Variants in ABLIM2 observed in about 807,000 individuals in gnomAD.
ABLIM2 encodes actin binding LIM protein family member 2, also known as actin-binding LIM protein 2.
Under a neutral mutation model 97.7 loss-of-function variants are expected in ABLIM2, and 53 were observed. The observed-to-expected ratio is 0.54, with a 90% CI of 0.44 to 0.68. The LOEUF (loss-of-function observed/expected upper bound fraction) is 0.68. Ranked by LOEUF, ABLIM2 falls within the 30% of genes least tolerant of loss-of-function variation. The probability of loss-of-function intolerance (pLI) is 0.00; values close to 1 mark genes in which losing one functional copy is unlikely to be tolerated. For synonymous variants in ABLIM2, 361 were observed against 345.8 expected, an observed-to-expected ratio of 1.04 and a Z score of -0.49; for missense variants, 835 against 867.2, an observed-to-expected ratio of 0.96 and a Z score of 0.47.
chr4:8,138,263 C>T (rs150611974), intron 1 of ABLIM2, among the ~76,000 whole-genome samples: 396 of 152,184 alleles, frequency 2.6e-3, no homozygotes, highest in African/African-American at 9.1e-3. Flanking sequence ...ATCATTCAAC[C>T]GTGTGAATGG....
At chr4:7,976,488 A>G (rs974608561) in intron 20 of ABLIM2, among the ~76,000 whole-genome samples, 1 of 152,160 alleles carries the variant, frequency 6.6e-6, no homozygotes, top group Non-Finnish European at 1.5e-5. Context: ...GCTAAAAACC[A>G]AACTGCTTAA....
chr4:8,104,358 C>T (rs899263223), intron 2 of ABLIM2, among the ~76,000 whole-genome samples: 1 of 152,202 alleles, frequency 6.6e-6, no homozygotes, highest in Admixed American at 6.5e-5. Flanking sequence ...GTCCCTGGGT[C>T]CCCCCATGAG....
intron 9 of ABLIM2, among the ~76,000 whole-genome samples, chr4:8,038,331 C>T (rs1389528002): frequency 6.6e-6 from 1 of 152,226 alleles, no homozygotes; most frequent in Non-Finnish European, 1.5e-5. Context: ...CCACAGCTCT[C>T]CCCTTTCCAG....
At position 8,155,881 on chromosome 4, in the gene ABLIM2, G is replaced by A. The variant is rs866342354; in HGVS notation, c.10+2799C>T. Among the ~76,000 whole-genome samples, 8 of 152,056 alleles carry A rather than the reference G, an allele frequency of 5.3e-5. No individual in the cohort carries two copies. Among genetic ancestry groups the A allele is most frequent in the South Asian group, 2.1e-4 (1 of 4,818 alleles). ...AAGGGAAGACGGGGCGAGGACACAG[G>A]GAGAGGGCGGCCGTCCACAAGCCAA... On this transcript the variant is annotated intron_variant, in intron 1 of 20. Transcript: ENST00000447017. The surrounding 1 kb of genome is among the most constrained non-coding windows in gnomAD (Gnocchi z 4.2).
chr4:8,053,294 T>A (rs1797150097), intron 8 of ABLIM2, among the ~76,000 whole-genome samples: 1 of 152,168 alleles, frequency 6.6e-6, no homozygotes. Context: ...TTGCTTCAAG[T>A]TTTCCCGCCT....
At chr4:8,040,782 G>A (rs532980728) in intron 9 of ABLIM2, among the ~76,000 whole-genome samples, 8 of 152,198 alleles carry the variant, frequency 5.3e-5, no homozygotes, top group African/African-American at 1.9e-4. Context: ...CTTCTGGCCT[G>A]TCTGGCCCCT....
intron 20 of ABLIM2, among the ~76,000 whole-genome samples, chr4:7,972,132 C>T (rs1228551720): frequency 1.3e-5 from 2 of 152,188 alleles, no homozygotes; most frequent in Admixed American, 1.3e-4. Context: ...CATTGCCCCT[C>T]CAGGAGAGCC....
At chr4:8,059,146 T>C (rs1019302076) in intron 7 of ABLIM2, among the ~76,000 whole-genome samples, 1 of 152,048 alleles carries the variant, frequency 6.6e-6, no homozygotes, top group African/African-American at 2.4e-5. Flanking sequence ...AAGCAATACA[T>C]AGCGGGGTGG....
chr4:8,042,113 T>C (rs1560886276), intron 9 of ABLIM2, among the ~76,000 whole-genome samples: 1 of 152,148 alleles, frequency 6.6e-6, no homozygotes, highest in South Asian at 2.1e-4. Flanking sequence ...CTGAGGACTT[T>C]GACCTAAGGG....
intron 6 of ABLIM2, among the ~76,000 whole-genome samples, chr4:8,076,424 C>G: frequency 6.6e-6 from 1 of 152,286 alleles, no homozygotes; most frequent in East Asian, 1.9e-4. Flanking sequence ...TCCAGACTGG[C>G]CTCTGCGGCA....
chr4:8,142,674 G>T (rs1467172772), intron 1 of ABLIM2, among the ~76,000 whole-genome samples: 3 of 152,232 alleles, frequency 2.0e-5, no homozygotes, highest in African/African-American at 7.2e-5. Flanking sequence ...CCACGAGGTG[G>T]GCACAGAGGG....
chr4:8,055,120 A>T (rs1488197606), intron 7 of ABLIM2, among the ~76,000 whole-genome samples: 1 of 152,112 alleles, frequency 6.6e-6, no homozygotes, highest in East Asian at 1.9e-4. Flanking sequence ...TGAATTTAAT[A>T]AAATCAAGCA....
Position 8,072,062 on chromosome 4 carries a change from C to A in ABLIM2, c.675+5566G>T, listed in dbSNP as rs1812582150. 5.1e-6 allele frequency: 5 copies of A among 985,366 alleles called. No individual in the cohort carries two copies. Among genetic ancestry groups the A allele is most frequent in the Non-Finnish European group, 6.0e-6 (5 of 829,986 alleles). The allele number at this position is 985,366 out of a possible 1,614,324, so 61.0% of individuals were successfully genotyped here. The stretch of plus-strand genomic sequence containing the variant: ...GATGCTCAGAGCTGTGCAGAGCCCG[C>A]CGACTCAGCCACGCCGCCACAGACT... On this transcript the variant is annotated intron_variant, in intron 6 of 20. Coordinates refer to ENST00000447017, the MANE Select transcript of ABLIM2 (RefSeq NM_001130083.2). This position sits in a 1 kb window ranked among gnomAD's most constrained non-coding sequence, Gnocchi z 5.8.
rs1176733609 is a variant in ABLIM2, at chr4:8,065,526, G to A, written c.676-4472C>T. On this transcript the variant is annotated intron_variant, in intron 6 of 20. Coordinates refer to ENST00000447017, the MANE Select transcript of ABLIM2 (RefSeq NM_001130083.2). ...AAACACAAAACAGTGCAGCTACTGT[G>A]GAAGACAGTGTATTGGTTTTTCAAG... Among the ~76,000 whole-genome samples, 3 of 152,178 alleles carry A rather than the reference G, an allele frequency of 2.0e-5. No individual in the cohort carries two copies. The South Asian group carries it at 6.2e-4, about 32-fold the overall frequency.
rs1238880551 is a variant in ABLIM2, at chr4:8,075,690, C to CA, written c.675+1937dup. Among the ~76,000 whole-genome samples, 1 of 150,932 alleles carries CA rather than the reference C, an allele frequency of 6.6e-6. No homozygotes were observed. The highest frequency in any genetic ancestry group is 2.4e-5 in the African/African-American group (1 of 41,056). On this transcript the variant is annotated intron_variant, in intron 6 of 20. Transcript: ENST00000447017. This position sits in a 1 kb window ranked among gnomAD's most constrained non-coding sequence, Gnocchi z 4.4. The stretch of plus-strand genomic sequence containing the variant: ...CTGGGCAACTGAGTGAGAACCTCTC[C>CA]AAAAAAAGAAAAAAAAGAAAACCAT...
At position 7,992,929 on chromosome 4, in the gene ABLIM2, T is replaced by G. The variant is rs754444694; in HGVS notation, c.1619-2A>C. On this transcript the variant is annotated splice_acceptor_variant, in intron 16 of 20. Transcript: ENST00000447017. LOFTEE classifies it high-confidence loss of function. This position sits in a 1 kb window ranked among gnomAD's most constrained non-coding sequence, Gnocchi z 5.7. ...GGTCAGATTTGGAATAGGGGAATCC[T>G]GAAACAGACACAGCACAGCTTTGTC... 9 of 1,612,772 alleles carry G rather than the reference T, an allele frequency of 5.6e-6. No individual in the cohort carries two copies. The highest frequency in any genetic ancestry group is 6.8e-6 in the Non-Finnish European group (8 of 1,179,686).
chr4:8,080,164 G>A (rs913998527), intron 5 of ABLIM2, among the ~76,000 whole-genome samples: 22 of 152,208 alleles, frequency 1.4e-4, no homozygotes, highest in African/African-American at 4.6e-4. Flanking sequence ...GGTGTCGATG[G>A]CAGCTGCCCC....
At chr4:8,109,880 G>A (rs534467601) in intron 1 of ABLIM2, among the ~76,000 whole-genome samples, 9 of 152,348 alleles carry the variant, frequency 5.9e-5, no homozygotes, top group Admixed American at 3.3e-4. Flanking sequence ...GGAGGCCACC[G>A]TGGCCTTTCT....
intron 1 of ABLIM2, among the ~76,000 whole-genome samples, chr4:8,110,227 G>A (rs1249675368): frequency 1.3e-5 from 2 of 152,226 alleles, no homozygotes; most frequent in African/African-American, 2.4e-5. Context: ...TCATCTATTG[G>A]CAACAAAGAG....
Sources: gnomAD v4.1 joint callset for allele counts (sites outside exome capture counted in the v4.1 genomes callset) on GRCh38, gnomAD v4.1.1 for gene constraint, Gnocchi (gnomAD v3.1) non-coding constraint, MANE v1.5 for transcripts, NCBI Gene and HGNC (gene_info 2026-07-23, HGNC 2026-07-21) for gene names.